The following G3BP2 variants were observed in gnomAD, a reference collection of about 807,000 sequenced individuals.
The protein encoded by G3BP2 is G3BP stress granule assembly factor 2.
In G3BP2, 11 loss-of-function variants were observed where a neutral mutation model predicts 56.7. That is an observed-to-expected ratio of 0.19 (90% CI 0.12 to 0.32). G3BP2 has a LOEUF of 0.32. G3BP2 is among the 10% of genes least tolerant of loss of function. G3BP2 has a pLI of 1.00. For synonymous variants in G3BP2, 165 were observed against 191.6 expected, an observed-to-expected ratio of 0.86 and a Z score of 1.15; for missense variants, 340 against 610.9, an observed-to-expected ratio of 0.56 and a Z score of 4.67.
At chr4:75,656,309 A>T (rs550295569) in intron 5 of G3BP2, among the ~76,000 whole-genome samples, 6 of 150,322 alleles carry the variant, frequency 4.0e-5, no homozygotes, top group Admixed American at 4.0e-4. Context: ...TTTTTTTTTT[A>T]ATAACAAAGG....
chr4:75,703,912 C>T (rs912003851), intron 3 of G3BP2, among the ~76,000 whole-genome samples: 5 of 151,884 alleles, frequency 3.3e-5, no homozygotes, highest in African/African-American at 9.7e-5. Flanking sequence ...CATTTTACCA[C>T]GATGTTTCTA....
chr4:75,647,307 T>C (rs1731306696), intron 9 of G3BP2, 150 bp from the exon 10 acceptor site: 2 of 528,816 alleles, frequency 3.8e-6, no homozygotes, highest in African/African-American at 2.0e-5. Context: ...AAAGTACTTA[T>C]TACTAGTAGG....
At chr4:75,663,131 G>A (rs1361858012) in intron 1 of G3BP2, among the ~76,000 whole-genome samples, 1 of 152,128 alleles carries the variant, frequency 6.6e-6, no homozygotes, top group African/African-American at 2.4e-5. Flanking sequence ...TAGCCCTCAA[G>A]GAGTTTATAG....
At position 75,643,452 on chromosome 4, in the gene G3BP2, T is replaced by C. The variant is rs1028960416; in HGVS notation, c.*1978A>G. The C allele has an allele frequency of 1.3e-4, 19 of 149,384 alleles. No individual in the cohort carries two copies. The highest frequency in any genetic ancestry group is 4.7e-4 in the African/African-American group (19 of 40,534). The allele number at this position is 149,384 out of a possible 1,614,324, so 9.3% of individuals were successfully genotyped here. On this transcript the variant is annotated 3_prime_UTR_variant, in exon 12 of 12. Transcript: ENST00000359707. ...TCTGGTAAGAATTTCAAGTACTATA[T>C]CAGAAAGTATAAAACTGTTTCAAAC...
In G3BP2 at chr4:75,657,539, G is replaced by A. The variant is rs1247711312; in HGVS notation, c.351+18C>T. ...TAGCAACCATATAAATGAAAACTAA[G>A]TGAATTGAGAAACTTACTTCAGGAG... On this transcript the variant is annotated intron_variant, in intron 4 of 11. Transcript: ENST00000359707. The A allele has an allele frequency of 1.3e-6, 2 of 1,579,612 alleles. No individual in the cohort carries two copies. The highest frequency in any genetic ancestry group is 1.2e-5 in the South Asian group (1 of 86,610).
upstream of G3BP2, among the ~76,000 whole-genome samples, chr4:75,677,591 A>T (rs770116998): frequency 1.4e-4 from 21 of 152,080 alleles, no homozygotes; most frequent in Admixed American, 3.3e-4. Flanking sequence ...AAATAAAAAA[A>T]AAAAGAGATG....
chr4:75,687,735 A>T (rs1718671845), intron 3 of G3BP2, among the ~76,000 whole-genome samples: 1 of 152,180 alleles, frequency 6.6e-6, no homozygotes, highest in Admixed American at 6.5e-5. Context: ...CCTGAGAGTG[A>T]CCCGTATGAC....
At chr4:75,713,997 A>G (rs1577902870) in intron 3 of G3BP2, among the ~76,000 whole-genome samples, 1 of 152,230 alleles carries the variant, frequency 6.6e-6, no homozygotes, top group East Asian at 1.9e-4. Context: ...TATGAAAGAC[A>G]CAGAAAGATG....
intron 3 of G3BP2, among the ~76,000 whole-genome samples, chr4:75,707,870 T>G (rs1480201271): frequency 6.6e-6 from 1 of 152,222 alleles, no homozygotes; most frequent in Non-Finnish European, 1.5e-5. Context: ...AATAAAAATG[T>G]AAACATTAAT....
upstream of G3BP2, among the ~76,000 whole-genome samples, chr4:75,676,336 A>ATTTTTTTTTTTTTT (rs34017434): frequency 2.2e-5 from 2 of 92,074 alleles, no homozygotes; most frequent in Non-Finnish European, 4.1e-5. Context: ...ATTGCCAATA[A>ATTTTTTTTTTTTTT]TTTTTTTTTT....
rs568845102 is a variant in G3BP2, at chr4:75,702,993, G to C, written c.-25+17884C>G. On this transcript the variant is annotated intron_variant, in intron 3 of 3. Coordinates refer to the G3BP2 transcript ENST00000499709. ...ATGATCTCCATATCAGGGAGGAGTC[G>C]AGGCTCCTAAACTCCCTCAGCTGAA... 3.9e-5 allele frequency among the ~76,000 whole-genome samples: 6 copies of C among 152,164 alleles called. No individual in the cohort carries two copies. In the East Asian group the frequency reaches 7.7e-4, roughly 20 times the overall value.
chr4:75,694,971 T>C (rs1719043044), intron 3 of G3BP2: 1 of 981,886 alleles, frequency 1.0e-6, no homozygotes, highest in East Asian at 1.1e-4. Flanking sequence ...TGAGAAGAGG[T>C]AATCGTCAAG....
intron 3 of G3BP2, among the ~76,000 whole-genome samples, chr4:75,696,154 A>C (rs1719113286): frequency 6.6e-6 from 1 of 152,180 alleles, no homozygotes; most frequent in Non-Finnish European, 1.5e-5. Flanking sequence ...GGTAACCTTC[A>C]AAAGATTTTT....
At chr4:75,655,390 G>C (rs1425164780) in intron 6 of G3BP2, 144 bp from the exon 7 acceptor site, 1 of 648,974 alleles carries the variant, frequency 1.5e-6, no homozygotes, top group Non-Finnish European at 2.7e-6. Context: ...ATTCCAAAAA[G>C]AGCTATAAGA....
intron 3 of G3BP2, among the ~76,000 whole-genome samples, chr4:75,687,202 A>G (rs7669265): frequency 0.98 from 148,655 of 152,276 alleles, 72,574 homozygotes; most frequent in East Asian, 1. Context: ...TGGGTTGTGG[A>G]AGGGACCCAG....
At chr4:75,663,639 A>C (rs1489782880) in intron 1 of G3BP2, among the ~76,000 whole-genome samples, 1 of 151,888 alleles carries the variant, frequency 6.6e-6, no homozygotes, top group Non-Finnish European at 1.5e-5. Flanking sequence ...AGGCGGGTGG[A>C]TCACAAGGGC....
chr4:75,643,315 A>ATATATATG lies in G3BP2; in HGVS notation c.*2114_*2115insCATATATA, dbSNP rs1166357883. 2 of 135,604 alleles carry ATATATATG rather than the reference A, an allele frequency of 1.5e-5. No individual in the cohort carries two copies. Among genetic ancestry groups the ATATATATG allele is most frequent in the African/African-American group, 2.7e-5 (1 of 37,050 alleles). 8.4% of individuals were successfully genotyped at this position (135,604 alleles called of 1,614,324 possible). A position where few individuals can be genotyped will look rare whatever the true frequency, so the allele number is the denominator to read the frequency against. On this transcript the variant is annotated 3_prime_UTR_variant, in exon 12 of 12. Transcript: ENST00000359707. ...GGAAATTATATATATATATATATATATGGAAACAGAAATACAAGAAAATAT... is the reference window on the plus strand; with the variant it reads ...GGAAATTATATATATATATATATATATATATATGTGGAAACAGAAATACAAGAAAATAT...
At chr4:75,723,892 T>C (rs1720284980) in intron 1 of G3BP2, among the ~76,000 whole-genome samples, 1 of 134,800 alleles carries the variant, frequency 7.4e-6, no homozygotes, top group African/African-American at 3.3e-5. Context: ...ATGACAATTT[T>C]TCATGTTAAA....
At chr4:75,703,557 G>A (rs575752868) in intron 3 of G3BP2, among the ~76,000 whole-genome samples, 2 of 152,244 alleles carry the variant, frequency 1.3e-5, no homozygotes, top group South Asian at 2.1e-4. Context: ...AAATGTATAC[G>A]ACTGTGAAAT....
Sources: allele counts gnomAD v4.1 joint callset (sites outside exome capture counted in the v4.1 genomes callset), GRCh38; gene constraint gnomAD v4.1.1; transcripts MANE v1.5; gene names NCBI Gene and HGNC (gene_info 2026-07-23, HGNC 2026-07-21).